The following CROT variants were observed in gnomAD, a reference collection of about 807,000 sequenced individuals.
CROT encodes carnitine O-octanoyltransferase.
CROT carries 84 observed loss-of-function variants against 89.2 expected under a neutral mutation model. The observed-to-expected ratio is 0.94, with a 90% confidence interval of 0.79 to 1.13. CROT has a LOEUF of 1.13. Among genes scored for constraint, CROT ranks in the 50% most tolerant of loss-of-function variants. CROT has a pLI of 0.00. For synonymous variants in CROT, 212 were observed against 239.5 expected, an observed-to-expected ratio of 0.89 and a Z score of 1.06; for missense variants, 711 against 727.8, an observed-to-expected ratio of 0.98 and a Z score of 0.27.
At chr7:87,357,417 A>C in intron 3 of CROT, 1 of 1,525,340 alleles carries the variant, frequency 6.6e-7, no homozygotes, top group Non-Finnish European at 8.9e-7. Flanking sequence ...TAGGATGCCA[A>C]GACAGACCCC....
intron 7 of CROT, 154 bp from the exon 8 acceptor site, chr7:87,375,476 AAT>A (rs1464073423): frequency 7.1e-6 from 4 of 565,124 alleles, no homozygotes; most frequent in Non-Finnish European, 1.3e-5. Context: ...CACTTAAAAA[AAT>A]ATGTGATGTA....
At chr7:87,376,487 G>T (rs1806815347) in intron 9 of CROT, among the ~76,000 whole-genome samples, 1 of 152,018 alleles carries the variant, frequency 6.6e-6, no homozygotes, top group Non-Finnish European at 1.5e-5. Flanking sequence ...GGTGACATTT[G>T]TGTCCCAGGA....
rs1806795481 is a variant in CROT, at chr7:87,375,860, G to T, written c.783G>T (p.Glu261Asp). The change falls in exon 9 of 18, where the codon GAG becomes GAT. Residue 261 changes from glutamate to aspartate, a missense_variant. Coordinates refer to ENST00000331536, the MANE Select transcript of CROT (RefSeq NM_021151.4). ...AATATCTGATTGGTCTTGATCCAGA[G>T]AACTTGGCTTTGTTAGAAAAAATTC... ...AREYLIGLDP[E>D]NLALLEKIQS... 1.2e-6 allele frequency: 2 copies of T among 1,613,402 alleles called. No homozygotes were observed. Among genetic ancestry groups the T allele is most frequent in the Admixed American group, 1.7e-5 (1 of 59,912 alleles).
chr7:87,356,327 G>A (rs1291061731), intron 3 of CROT, among the ~76,000 whole-genome samples: 1 of 152,120 alleles, frequency 6.6e-6, no homozygotes, highest in East Asian at 1.9e-4. Context: ...GAAAGTTTGA[G>A]GGTTTTTTAT....
In CROT at chr7:87,377,391, G is replaced by A; in HGVS notation, c.919G>A (p.Gly307Ser). Residue 307 changes from glycine to serine, a missense_variant, in exon 10 of 18, where the codon GGT becomes AGT. Physicochemically the swap from Gly to Ser is moderately conservative, Grantham distance 56. Coordinates refer to ENST00000331536, the MANE Select transcript of CROT (RefSeq NM_021151.4). ...TATTGGAGATCCAACAGTACGCTGG[G>A]GTGACAAATCCTATAACTTGATTTC... ...ILIGDPTVRW[G>S]DKSYNLISFS... The A allele has an allele frequency of 6.2e-7, 1 of 1,611,736 alleles. No homozygotes were observed. The highest frequency in any genetic ancestry group is 8.5e-7 in the Non-Finnish European group (1 of 1,178,400).
intron 14 of CROT, 96 bp from the exon 15 acceptor site, chr7:87,392,470 A>G (rs1210269173): frequency 2.2e-6 from 2 of 911,424 alleles, no homozygotes; most frequent in African/African-American, 3.3e-5. Context: ...TTCCTCTCCC[A>G]AATTACCCCA....
intron 13 of CROT, among the ~76,000 whole-genome samples, chr7:87,389,875 C>G (rs1396593537): frequency 6.6e-6 from 1 of 152,052 alleles, no homozygotes; most frequent in Non-Finnish European, 1.5e-5. Context: ...CTCATCATAG[C>G]TGGCATTGGA....
At chr7:87,391,744 A>G in intron 14 of CROT, 32 bp downstream of exon 14, 1 of 1,594,290 alleles carries the variant, frequency 6.3e-7, no homozygotes, top group Non-Finnish European at 8.5e-7. Context: ...AACTCACAAG[A>G]TTTGTTTAAT....
chr7:87,370,508 A>G (rs1806597726), intron 7 of CROT, among the ~76,000 whole-genome samples: 1 of 152,200 alleles, frequency 6.6e-6, no homozygotes, highest in Admixed American at 6.5e-5. Context: ...TAATATCATT[A>G]ACAGAGAATC....
At chr7:87,361,073 G>A (rs113927520) in intron 4 of CROT, among the ~76,000 whole-genome samples, 2,101 of 152,080 alleles carry the variant, frequency 0.014, 47 homozygotes, top group African/African-American at 0.048. Flanking sequence ...GGCTCAGGTG[G>A]TCCTCCTGCC....
intron 13 of CROT, among the ~76,000 whole-genome samples, chr7:87,386,240 G>A (rs1366618219): frequency 6.6e-6 from 1 of 152,134 alleles, no homozygotes; most frequent in African/African-American, 2.4e-5. Flanking sequence ...AGTATAATTG[G>A]TATTAGTTCT....
chr7:87,396,322 G>A (rs1435514540), intron 17 of CROT, among the ~76,000 whole-genome samples: 1 of 152,158 alleles, frequency 6.6e-6, no homozygotes, highest in African/African-American at 2.4e-5. Context: ...ATTAACAGAA[G>A]GTGACTTGAA....
At chr7:87,347,445 C>G (rs922896884) in intron 2 of CROT, among the ~76,000 whole-genome samples, 1 of 152,082 alleles carries the variant, frequency 6.6e-6, no homozygotes, top group African/African-American at 2.4e-5. Context: ...GTTGGTTGCC[C>G]TAGGGGCACA....
chr7:87,359,070 T>C lies in CROT; in HGVS notation c.116-136T>C, dbSNP rs1431601601. On this transcript the variant is annotated intron_variant, in intron 3 of 17. Coordinates refer to ENST00000331536, the MANE Select transcript of CROT (RefSeq NM_021151.4). ...CTTTCATGTTGTCAACTCTTAATTT[T>C]ATTGTTCTGCTCTGCTATTTAATAC... 3 of 635,938 alleles carry C rather than the reference T, an allele frequency of 4.7e-6. No homozygotes were observed. The Admixed American group carries it at 9.0e-5, about 19-fold the overall frequency. 39.4% of individuals were successfully genotyped at this position (635,938 alleles called of 1,614,324 possible). A position where few individuals can be genotyped will look rare whatever the true frequency, so the allele number is the denominator to read the frequency against.
At chr7:87,359,046 T>C (rs910592919) in intron 3 of CROT, among the ~76,000 whole-genome samples, 160 bp from the exon 4 acceptor site, 3 of 152,230 alleles carry the variant, frequency 2.0e-5, no homozygotes, top group African/African-American at 7.2e-5. Flanking sequence ...TTTCCGCCAC[T>C]TTCATGTTGT....
At chr7:87,372,007 C>CAAAAAAAAAAAAA (rs61300907) in intron 7 of CROT, among the ~76,000 whole-genome samples, 3 of 124,000 alleles carry the variant, frequency 2.4e-5, no homozygotes, top group Non-Finnish European at 3.3e-5. Flanking sequence ...AAAAAAAAAA[C>CAAAAAAAAAAAAA]AAAAAAAAAA....
At chr7:87,392,537 A>G (rs1807396960) in intron 14 of CROT, 29 bp from the exon 15 acceptor site, 3 of 1,584,980 alleles carry the variant, frequency 1.9e-6, no homozygotes, top group Non-Finnish European at 2.6e-6. Context: ...ACAGTGTGTT[A>G]TTGAAGTGTC....
At chr7:87,393,697 C>T (rs1807439532) in intron 17 of CROT, among the ~76,000 whole-genome samples, 1 of 152,120 alleles carries the variant, frequency 6.6e-6, no homozygotes, top group Non-Finnish European at 1.5e-5. Flanking sequence ...ATAAAAATTA[C>T]GTGACTACAT....
chr7:87,396,500 A>G (rs1311215237), intron 17 of CROT, among the ~76,000 whole-genome samples: 1 of 152,184 alleles, frequency 6.6e-6, no homozygotes, highest in African/African-American at 2.4e-5. Context: ...GAGCATTGAA[A>G]CTAAAGCAAG....
Sources: allele counts gnomAD v4.1 joint callset (sites outside exome capture counted in the v4.1 genomes callset), GRCh38; gene constraint gnomAD v4.1.1; transcripts MANE v1.5; gene names NCBI Gene and HGNC (gene_info 2026-07-23, HGNC 2026-07-21).